Variants in GRIA4 observed in about 807,000 individuals in gnomAD.
GRIA4 encodes glutamate receptor 4.
GRIA4 carries 34 observed loss-of-function variants against 104.0 expected under a neutral mutation model. The ratio of observed to expected loss-of-function variants is 0.33; its 90% CI spans 0.25 to 0.44. The LOEUF (loss-of-function observed/expected upper bound fraction) is 0.44, where lower values mean the gene tolerates loss of function less well. Ranked by LOEUF, GRIA4 falls within the 20% of genes least tolerant of loss-of-function variation. The pLI is 1.00. For missense variants in GRIA4, 750 were observed against 1,096.5 expected (o/e 0.68, Z 4.46); for synonymous variants, 386 against 381.9 (o/e 1.01, Z -0.13).
At chr11:105,688,905 T>C (rs1952988661) in intron 3 of GRIA4, among the ~76,000 whole-genome samples, 1 of 152,086 alleles carries the variant, frequency 6.6e-6, no homozygotes, top group Non-Finnish European at 1.5e-5. Context: ...TGATCTAGTT[T>C]AGGTGATCAA....
intron 3 of GRIA4, among the ~76,000 whole-genome samples, chr11:105,621,623 C>T (rs570532725): frequency 5.9e-5 from 9 of 151,702 alleles, no homozygotes; most frequent in African/African-American, 1.9e-4. Context: ...TCAATCTCCT[C>T]GGGATCAATA....
intron 10 of GRIA4, among the ~76,000 whole-genome samples, chr11:105,913,733 C>G (rs1354375603): frequency 6.6e-6 from 1 of 152,062 alleles, no homozygotes; most frequent in Non-Finnish European, 1.5e-5. Flanking sequence ...TTCAGACAAG[C>G]TCCTTTTTTC....
intron 3 of GRIA4, among the ~76,000 whole-genome samples, chr11:105,678,410 G>T (rs1952607900): frequency 6.6e-6 from 1 of 152,000 alleles, no homozygotes; most frequent in South Asian, 2.1e-4. Flanking sequence ...GCTGAAAATT[G>T]TTCTCACTTG....
intron 14 of GRIA4, among the ~76,000 whole-genome samples, chr11:105,952,035 T>C (rs760842100): frequency 4.1e-4 from 63 of 152,310 alleles, no homozygotes; most frequent in South Asian, 3.3e-3. Flanking sequence ...AGATTGAGGC[T>C]AGTACTTTGG....
chr11:105,739,180 A>C (rs962223138), intron 3 of GRIA4, among the ~76,000 whole-genome samples: 1 of 152,180 alleles, frequency 6.6e-6, no homozygotes, highest in Non-Finnish European at 1.5e-5. Context: ...GAGTATTGCA[A>C]ATAGCCTTCT....
rs187685796 is a variant in GRIA4, at chr11:105,704,662, T to C, written c.248-48319T>C. ...CCTAAGAAAGATGTGAAAATACCTT[T>C]TACAATTAAAACACAAAAATTAAAC... On this transcript the variant is annotated intron_variant, in intron 3 of 16. Transcript: ENST00000282499. Among the ~76,000 whole-genome samples the C allele has an allele frequency of 2.7e-3, 406 of 152,002 alleles. 6 individuals are homozygous for C. Among genetic ancestry groups the C allele is most frequent in the Middle Eastern group, 0.024 (7 of 290 alleles).
intron 4 of GRIA4, among the ~76,000 whole-genome samples, chr11:105,754,553 A>G (rs1417440847): frequency 6.6e-6 from 1 of 152,196 alleles, no homozygotes; most frequent in African/African-American, 2.4e-5. Flanking sequence ...TGTGGGAGAG[A>G]CAAGGTGAAT....
intron 4 of GRIA4, among the ~76,000 whole-genome samples, chr11:105,806,949 A>C (rs1446704041): frequency 6.6e-6 from 1 of 151,860 alleles, no homozygotes; most frequent in East Asian, 1.9e-4. Context: ...CTAAAGACAA[A>C]GGAAATATAG....
chr11:105,905,102 C>T, intron 8 of GRIA4, 95 bp from the exon 9 acceptor site: 1 of 701,168 alleles, frequency 1.4e-6, no homozygotes, highest in Non-Finnish European at 2.5e-6. Context: ...GTTTATAGTT[C>T]TACTTTTTTA....
At chr11:105,688,581 T>TAAAA (rs1303198839) in intron 3 of GRIA4, among the ~76,000 whole-genome samples, 2 of 151,744 alleles carry the variant, frequency 1.3e-5, no homozygotes, top group African/African-American at 4.8e-5. Flanking sequence ...AATAAATAAA[T>TAAAA]AAAAATAAAA....
At chr11:105,874,049 G>C (rs1191686947) in intron 5 of GRIA4, among the ~76,000 whole-genome samples, 1 of 152,096 alleles carries the variant, frequency 6.6e-6, no homozygotes, top group African/African-American at 2.4e-5. Context: ...CATAGTTTTA[G>C]GTCTTATGTT....
chr11:105,703,183 C>A (rs944587376), intron 3 of GRIA4, among the ~76,000 whole-genome samples: 1 of 152,120 alleles, frequency 6.6e-6, no homozygotes, highest in Non-Finnish European at 1.5e-5. Context: ...CTTTAGAGTA[C>A]AGTTAGATAA....
chr11:105,800,288 C>T (rs2135834041), intron 4 of GRIA4, among the ~76,000 whole-genome samples: 1 of 152,036 alleles, frequency 6.6e-6, no homozygotes, highest in East Asian at 1.9e-4. Context: ...AGAGAAATGA[C>T]AAAGAGGAAG....
At chr11:105,610,567 A>G (rs1241208194) in intron 1 of GRIA4, 139 bp downstream of exon 1, 1 of 166,448 alleles carries the variant, frequency 6.0e-6, no homozygotes, top group South Asian at 1.5e-4. Flanking sequence ...GGCTGATGCG[A>G]GCTGGAGAGC....
intron 3 of GRIA4, among the ~76,000 whole-genome samples, chr11:105,648,758 A>G (rs951139412): frequency 1.3e-5 from 2 of 152,234 alleles, no homozygotes; most frequent in East Asian, 3.8e-4. Flanking sequence ...TAACTCATGC[A>G]ATCATTTTAA....
intron 6 of GRIA4, among the ~76,000 whole-genome samples, chr11:105,889,870 C>T (rs1443553073): frequency 6.6e-6 from 1 of 152,022 alleles, no homozygotes; most frequent in African/African-American, 2.4e-5. Flanking sequence ...TATATGCTAG[C>T]AATAATATTC....
In GRIA4 at chr11:105,981,573, A is replaced by ACACACACG. The variant is rs1859251024; in HGVS notation, c.*1841_*1842insGCACACAC. The stretch of plus-strand genomic sequence containing the variant: ...ATAAATCACACACACACACACACAC[A>ACACACACG]CACACACACACACACACAAGTCCCT... On this transcript the variant is annotated 3_prime_UTR_variant, in exon 17 of 17. Transcript: ENST00000282499. The ACACACACG allele has an allele frequency of 6.5e-6, 1 of 153,670 alleles. No homozygotes were observed. The highest frequency in any genetic ancestry group is 2.4e-5 in the African/African-American group (1 of 41,150). The allele number at this position is 153,670 out of a possible 1,614,324, so 9.5% of individuals were successfully genotyped here. A position where few individuals can be genotyped will look rare whatever the true frequency, so the allele number is the denominator to read the frequency against.
chr11:105,853,044 A>C (rs1050319924), intron 4 of GRIA4, among the ~76,000 whole-genome samples: 4 of 125,294 alleles, frequency 3.2e-5, no homozygotes, highest in African/African-American at 1.1e-4. Flanking sequence ...TTTCGTTGCT[A>C]GTGATTGCTT....
At chr11:105,863,219 G>C (rs80280861) in intron 5 of GRIA4, among the ~76,000 whole-genome samples, 1 of 151,980 alleles carries the variant, frequency 6.6e-6, no homozygotes, top group Non-Finnish European at 1.5e-5. Context: ...GCAGGCAAGG[G>C]ACTAGATGTC....
Sources: gnomAD v4.1 joint callset for allele counts (sites outside exome capture counted in the v4.1 genomes callset) on GRCh38, gnomAD v4.1.1 for gene constraint, MANE v1.5 for transcripts, NCBI Gene and HGNC (gene_info 2026-07-23, HGNC 2026-07-21) for gene names.